GUCA2A: variants seen among roughly 807,000 people sequenced by gnomAD.
The protein encoded by GUCA2A is guanylin.
Under a neutral mutation model 11.2 loss-of-function variants are expected in GUCA2A, and 17 were observed. The observed-to-expected ratio is 1.52, with a 90% CI of 1.04 to 2.28. The LOEUF (loss-of-function observed/expected upper bound fraction) is 2.28, where lower values mean the gene tolerates loss of function less well. GUCA2A is among the 30% of genes most tolerant of loss of function. The pLI, the probability that GUCA2A is intolerant of heterozygous loss-of-function variation, is 0.00. For synonymous variants in GUCA2A, 64 were observed against 57.1 expected (o/e 1.12, Z -0.54); for missense variants, 173 against 139.3 (o/e 1.24, Z -1.22).
At chr1:42,163,206 T>C (rs1646137160) in intron 2 of GUCA2A, among the ~76,000 whole-genome samples, 197 bp downstream of exon 2, 2 of 152,196 alleles carry the variant, frequency 1.3e-5, no homozygotes, top group South Asian at 4.2e-4. Context: ...ATGGTCTTAG[T>C]TCCCAAACCT....
At position 42,163,446 on chromosome 1, in the gene GUCA2A, A is replaced by T; in HGVS notation, c.240T>A (p.Pro80=). 6.2e-7 allele frequency: 1 copy of T among 1,613,926 alleles called. No individual in the cohort carries two copies. The highest frequency in any genetic ancestry group is 8.5e-7 in the Non-Finnish European group (1 of 1,179,864). Residue 80 remains proline, a synonymous_variant, in exon 2 of 3, where the codon CCT becomes CCA. Transcript: ENST00000357001. The part of the protein sequence containing the change: ...SNPNFPEELK[P]LCKEPNAQEI... ...CCTGGGCATTGGGCTCCTTGCAGAGAGGCTTGAGTTCTTCTGGAAAGTTCG... is the reference window on the plus strand; with the variant it reads ...CCTGGGCATTGGGCTCCTTGCAGAGTGGCTTGAGTTCTTCTGGAAAGTTCG...
In GUCA2A at chr1:42,162,887, A is replaced by T. The variant is rs373043433; in HGVS notation, c.*19T>A. The stretch of plus-strand genomic sequence containing the variant: ...AGCTTCCCTGCTGCGGAGGGGAGGC[A>T]GGCAGTGGGCAAGCCCCCCTAGCAT... On this transcript the variant is annotated 3_prime_UTR_variant, in exon 3 of 3. Transcript: ENST00000357001. 2.9e-4 allele frequency: 459 copies of T among 1,599,182 alleles called. 1 individual carries two copies. Among genetic ancestry groups the T allele is most frequent in the Non-Finnish European group, 3.7e-4 (426 of 1,166,746 alleles).
In GUCA2A at chr1:42,163,027, C is replaced by T. The variant is rs1426587636; in HGVS notation, c.284-57G>A. 38 of 1,383,092 alleles carry T rather than the reference C, an allele frequency of 2.7e-5. No individual in the cohort carries two copies. The East Asian group carries it at 5.1e-4, about 18-fold the overall frequency. 85.7% of individuals were successfully genotyped at this position (1,383,092 alleles called of 1,614,324 possible). A position where few individuals can be genotyped will look rare whatever the true frequency, so the allele number is the denominator to read the frequency against. On this transcript the variant is annotated intron_variant, in intron 2 of 2. Coordinates refer to ENST00000357001, the MANE Select transcript of GUCA2A (RefSeq NM_033553.3). ...CAGCATTTCCTCGCGAGGCCCCTGC[C>T]GCCCTTGGCCCAGAGCTTGTACGTC...
rs545809645 is a variant in GUCA2A, at chr1:42,162,990, C to T, written c.284-20G>A. ...TTTCCTCTGCACAACAGAGATGGAG[C>T]CTCGTGAGAACCAGCATTTCCTCGC... is the stretch of plus-strand genomic sequence containing the variant. On this transcript the variant is annotated intron_variant, in intron 2 of 2. Coordinates refer to ENST00000357001, the MANE Select transcript of GUCA2A (RefSeq NM_033553.3). 1 of 1,606,154 alleles carries T rather than the reference C, an allele frequency of 6.2e-7. No individual in the cohort carries two copies. Among genetic ancestry groups the T allele is most frequent in the Non-Finnish European group, 8.5e-7 (1 of 1,172,832 alleles).
chr1:42,163,395 C>T lies in GUCA2A; in HGVS notation c.283+8G>A, dbSNP rs1358409401. 9 of 1,579,616 alleles carry T rather than the reference C, an allele frequency of 5.7e-6. No homozygotes were observed. The highest frequency in any genetic ancestry group is 1.3e-5 in the African/African-American group (1 of 74,264). On this transcript the variant is annotated splice_region_variant and intron_variant, in intron 2 of 2. Transcript: ENST00000357001. ...CCCCACCAATCAGAGAGGAAGGAGGCTGCTCACCCAGCCTCTGAAGTATCT... is the reference window on the plus strand; with the variant it reads ...CCCCACCAATCAGAGAGGAAGGAGGTTGCTCACCCAGCCTCTGAAGTATCT...
Position 42,163,541 on chromosome 1 carries a change from TGGGCTCCTG to T in GUCA2A, c.136_144del (p.Gln46_Pro48del). 6.2e-7 allele frequency: 1 copy of T among 1,613,588 alleles called. No homozygotes were observed. The highest frequency in any genetic ancestry group is 8.5e-7 in the Non-Finnish European group (1 of 1,179,512). On this transcript the variant is annotated inframe_deletion, in exon 2 of 3. Transcript: ENST00000357001. ...GCAAAGTTCCTGAGTTTCCCAACCC[TGGGCTCCTG>T]GGGCTCCTGGAGGTCTTTGAGCTTC...
At position 42,162,803 on chromosome 1, in the gene GUCA2A, G is replaced by C. The variant is rs1473936645; in HGVS notation, c.*103C>G. 1 of 943,014 alleles carries C rather than the reference G, an allele frequency of 1.1e-6. No individual in the cohort carries two copies. The highest frequency in any genetic ancestry group is 1.7e-6 in the Non-Finnish European group (1 of 577,612). The allele number at this position is 943,014 out of a possible 1,614,324, so 58.4% of individuals were successfully genotyped here. A position where few individuals can be genotyped will look rare whatever the true frequency, so the allele number is the denominator to read the frequency against. On this transcript the variant is annotated 3_prime_UTR_variant, in exon 3 of 3. Transcript: ENST00000357001. ...CGGGCTGCTCCTCCCGACTGGACCA[G>C]GGTAGGTTGAGCTGCTGGGAGTGGA... is the stretch of plus-strand genomic sequence containing the variant.
rs1035470301 is a variant in GUCA2A at position 42,162,880 on chromosome 1, G to A, written c.*26C>T. On this transcript the variant is annotated 3_prime_UTR_variant, in exon 3 of 3. Coordinates refer to ENST00000357001, the MANE Select transcript of GUCA2A (RefSeq NM_033553.3). Reference sequence around the variant, plus strand: ...AGAAAAGAGCTTCCCTGCTGCGGAGGGGAGGCAGGCAGTGGGCAAGCCCCC... The same window carrying A: ...AGAAAAGAGCTTCCCTGCTGCGGAGAGGAGGCAGGCAGTGGGCAAGCCCCC... The A allele has an allele frequency of 6.3e-7, 1 of 1,587,412 alleles. No individual in the cohort carries two copies. The highest frequency in any genetic ancestry group is 1.3e-5 in the African/African-American group (1 of 74,192).
At position 42,162,888 on chromosome 1, in the gene GUCA2A, G is replaced by GGC; in HGVS notation, c.*16_*17dup. 6.2e-7 allele frequency: 1 copy of GGC among 1,600,810 alleles called. No individual in the cohort carries two copies. Among genetic ancestry groups the GGC allele is most frequent in the Non-Finnish European group, 8.6e-7 (1 of 1,168,098 alleles). ...GCTTCCCTGCTGCGGAGGGGAGGCAGGCAGTGGGCAAGCCCCCCTAGCATC... is the reference window on the plus strand; with the variant it reads ...GCTTCCCTGCTGCGGAGGGGAGGCAGGCGCAGTGGGCAAGCCCCCCTAGCATC... On this transcript the variant is annotated 3_prime_UTR_variant, in exon 3 of 3. Coordinates refer to ENST00000357001, the MANE Select transcript of GUCA2A (RefSeq NM_033553.3).
In GUCA2A at chr1:42,162,807, A is replaced by C; in HGVS notation, c.*99T>G. The C allele has an allele frequency of 2.1e-6, 2 of 945,040 alleles. No homozygotes were observed. Among genetic ancestry groups the C allele is most frequent in the Non-Finnish European group, 3.5e-6 (2 of 578,304 alleles). The allele number at this position is 945,040 out of a possible 1,614,324, so 58.5% of individuals were successfully genotyped here. On this transcript the variant is annotated 3_prime_UTR_variant, in exon 3 of 3. Coordinates refer to ENST00000357001, the MANE Select transcript of GUCA2A (RefSeq NM_033553.3). ...CTGCTCCTCCCGACTGGACCAGGGTAGGTTGAGCTGCTGGGAGTGGAGTAT... is the reference window on the plus strand; with the variant it reads ...CTGCTCCTCCCGACTGGACCAGGGTCGGTTGAGCTGCTGGGAGTGGAGTAT...
intron 1 of GUCA2A, 89 bp downstream of exon 1, chr1:42,164,549 C>A: frequency 1.3e-6 from 1 of 757,746 alleles, no homozygotes; most frequent in Non-Finnish European, 2.3e-6. Context: ...CTCAATCCAG[C>A]CCCAAAGAGG....
chr1:42,163,547 C>T lies in GUCA2A; in HGVS notation c.139G>A (p.Glu47Lys), dbSNP rs766728408. 2 of 1,613,674 alleles carry T rather than the reference C, an allele frequency of 1.2e-6. No individual in the cohort carries two copies. Among genetic ancestry groups the T allele is most frequent in the Non-Finnish European group, 1.7e-6 (2 of 1,179,602 alleles). Reference protein sequence around the residue: ...KKLKDLQEPQEPRVGKLRNFA... With the variant: ...KKLKDLQEPQKPRVGKLRNFA... ...TTCCTGAGTTTCCCAACCCTGGGCT[C>T]CTGGGGCTCCTGGAGGTCTTTGAGC... The change falls in exon 2 of 3, where the codon GAG (glutamate) becomes AAG (lysine). Residue 47 changes from glutamate (E) to lysine (K), a missense_variant. Physicochemically the swap from Glu to Lys is moderately conservative, Grantham distance 56. Transcript: ENST00000357001.
intron 2 of GUCA2A, 140 bp from the exon 3 acceptor site, chr1:42,163,110 G>A: frequency 1.4e-6 from 1 of 704,230 alleles, no homozygotes; most frequent in South Asian, 1.7e-5. Context: ...TGGGCTTTTC[G>A]CCCCAAACCA....
At chr1:42,164,435 C>T (rs1415085835) in intron 1 of GUCA2A, among the ~76,000 whole-genome samples, 1 of 152,256 alleles carries the variant, frequency 6.6e-6, no homozygotes, top group East Asian at 1.9e-4. Flanking sequence ...TATTCCTCTT[C>T]CCTCCACTGG....
rs1205205743 is a variant in GUCA2A, at chr1:42,164,672, G to C, written c.41C>G (p.Ala14Gly). ...GACCCCTCCTGCCAAGGCGGCCCAG[G>C]CCCCAAGGAGGCACAGTGCGGAGAG... is the stretch of plus-strand genomic sequence containing the variant. ...FLLSALCLLG[A>G]WAALAGGVTV... The change falls in exon 1 of 3, where the codon GCC becomes GGC. Residue 14 changes from alanine to glycine, a missense_variant. Ala to Gly is a moderately conservative substitution (Grantham distance 60). Transcript: ENST00000357001. The C allele has an allele frequency of 6.4e-7, 1 of 1,551,266 alleles. No individual in the cohort carries two copies.
In GUCA2A at chr1:42,162,856, G is replaced by T. The variant is rs778478666; in HGVS notation, c.*50C>A. Reference sequence around the variant, plus strand: ...ATCATGGGTGGCCCTTTCTGCAGGAGAAAAGAGCTTCCCTGCTGCGGAGGG... The same window carrying T: ...ATCATGGGTGGCCCTTTCTGCAGGATAAAAGAGCTTCCCTGCTGCGGAGGG... On this transcript the variant is annotated 3_prime_UTR_variant, in exon 3 of 3. Transcript: ENST00000357001. 1 of 1,482,770 alleles carries T rather than the reference G, an allele frequency of 6.7e-7. No homozygotes were observed. The highest frequency in any genetic ancestry group is 1.1e-5 in the South Asian group (1 of 88,512). 91.9% of individuals were successfully genotyped at this position (1,482,770 alleles called of 1,614,324 possible). A position where few individuals can be genotyped will look rare whatever the true frequency, so the allele number is the denominator to read the frequency against.
At chr1:42,163,349 T>A (rs992877035) in intron 2 of GUCA2A, 54 bp downstream of exon 2, 2 of 1,143,430 alleles carry the variant, frequency 1.7e-6, no homozygotes. Context: ...CTTCCTCAAG[T>A]GCCACCACAG....
Position 42,162,985 on chromosome 1 carries a change from T to C in GUCA2A, c.284-15A>G, listed in dbSNP as rs1337268596. 6.2e-7 allele frequency: 1 copy of C among 1,608,124 alleles called. No homozygotes were observed. Among genetic ancestry groups the C allele is most frequent in the Admixed American group, 1.7e-5 (1 of 59,998 alleles). ...AGCGATTTCCTCTGCACAACAGAGA[T>C]GGAGCCTCGTGAGAACCAGCATTTC... On this transcript the variant is annotated splice_polypyrimidine_tract_variant and intron_variant, in intron 2 of 2. Coordinates refer to ENST00000357001, the MANE Select transcript of GUCA2A (RefSeq NM_033553.3).
At chr1:42,163,690 G>T in intron 1 of GUCA2A, 80 bp from the exon 2 acceptor site, 1 of 889,594 alleles carries the variant, frequency 1.1e-6, no homozygotes, top group Non-Finnish European at 1.7e-6. Context: ...CCCCGGTCCA[G>T]CCCAGTGGTG....
Sources: gnomAD v4.1 joint callset for allele counts (sites outside exome capture counted in the v4.1 genomes callset) on GRCh38, gnomAD v4.1.1 for gene constraint, MANE v1.5 for transcripts, NCBI Gene and HGNC (gene_info 2026-07-23, HGNC 2026-07-21) for gene names.